Variants in ADGRV1 observed in about 807,000 individuals in gnomAD.
The protein encoded by ADGRV1 is G-protein coupled receptor 98.
A neutral mutation model predicts 596.2 loss-of-function variants in ADGRV1; 359 were observed. The observed-to-expected ratio is 0.60, with a 90% CI of 0.55 to 0.66. ADGRV1 has a LOEUF of 0.66. Ranked by LOEUF, ADGRV1 falls within the 30% of genes least tolerant of loss-of-function variation. ADGRV1 has a pLI of 0.00. For synonymous variants in ADGRV1, 2,681 were observed against 2,679.2 expected (o/e 1.00, Z -0.02); for missense variants, 7,274 against 7,575.6 (o/e 0.96, Z 1.48).
At chr5:91,065,640 A>G (rs1478026475) in intron 85 of ADGRV1, among the ~76,000 whole-genome samples, 2 of 152,222 alleles carry the variant, frequency 1.3e-5, no homozygotes, top group Non-Finnish European at 2.9e-5. Flanking sequence ...AGGAATAAAG[A>G]AGTTGAAATA....
intron 14 of ADGRV1, among the ~76,000 whole-genome samples, chr5:90,644,318 A>G (rs1016487826): frequency 1.3e-5 from 2 of 152,198 alleles, no homozygotes; most frequent in African/African-American, 4.8e-5. Context: ...GAAATGATAA[A>G]TAGTTTATTT....
intron 83 of ADGRV1, among the ~76,000 whole-genome samples, chr5:90,942,613 G>T (rs1305254725): frequency 1.3e-5 from 2 of 152,112 alleles, no homozygotes; most frequent in African/African-American, 4.8e-5. Flanking sequence ...CTTCAGCGAG[G>T]CTCTAGGGAC....
At chr5:90,752,431 C>G (rs150075082) in intron 53 of ADGRV1, among the ~76,000 whole-genome samples, 420 of 152,222 alleles carry the variant, frequency 2.8e-3, no homozygotes, top group African/African-American at 9.1e-3. Context: ...AGTTATTTTT[C>G]CTGATCCTCT....
At chr5:90,955,336 A>G (rs1777382267) in intron 83 of ADGRV1, among the ~76,000 whole-genome samples, 1 of 152,078 alleles carries the variant, frequency 6.6e-6, no homozygotes, top group Non-Finnish European at 1.5e-5. Flanking sequence ...AAAATAATGC[A>G]TTTCCCAATT....
chr5:90,826,722 C>A (rs181192037), intron 76 of ADGRV1, among the ~76,000 whole-genome samples: 1 of 152,282 alleles, frequency 6.6e-6, no homozygotes, highest in Non-Finnish European at 1.5e-5. Context: ...ATATTGCAGA[C>A]ACAACAAATG....
chr5:90,664,509 T>G (rs1309851402), intron 21 of ADGRV1, among the ~76,000 whole-genome samples: 1 of 146,092 alleles, frequency 6.8e-6, no homozygotes, highest in Non-Finnish European at 1.5e-5. Flanking sequence ...TAAGGAGATT[T>G]TGGGCTGAGA....
intron 83 of ADGRV1, among the ~76,000 whole-genome samples, chr5:90,872,848 C>T (rs1177908226): frequency 6.6e-6 from 1 of 152,182 alleles, no homozygotes; most frequent in East Asian, 1.9e-4. Flanking sequence ...GCATGGTCTT[C>T]TTGCAGACAG....
intron 24 of ADGRV1, among the ~76,000 whole-genome samples, chr5:90,675,863 T>A (rs1435419663): frequency 2.0e-5 from 3 of 151,972 alleles, no homozygotes; most frequent in Non-Finnish European, 4.4e-5. Context: ...ATCTACTTTA[T>A]CTAATTAATT....
At chr5:90,861,283 A>T (rs568578762) in intron 82 of ADGRV1, among the ~76,000 whole-genome samples, 2 of 151,940 alleles carry the variant, frequency 1.3e-5, no homozygotes, top group East Asian at 1.9e-4. Context: ...TTTATTTTTT[A>T]AAATTTTTAT....
At chr5:90,622,026 T>C (rs537768524) in intron 4 of ADGRV1, among the ~76,000 whole-genome samples, 59 of 152,312 alleles carry the variant, frequency 3.9e-4, no homozygotes, top group African/African-American at 1.2e-3. Flanking sequence ...GTAGCCTGTA[T>C]GTACTTGGCT....
At chr5:90,930,316 C>T (rs141438365) in intron 83 of ADGRV1, among the ~76,000 whole-genome samples, 22 of 152,144 alleles carry the variant, frequency 1.4e-4, no homozygotes, top group Middle Eastern at 6.8e-3. Context: ...TGAGTCCTTC[C>T]GGCAAACTCC....
chr5:90,694,509 A>G lies in ADGRV1; in HGVS notation c.7753A>G (p.Ile2585Val), dbSNP rs757369145. 3.1e-6 allele frequency: 5 copies of G among 1,613,824 alleles called. No homozygotes were observed. In the African/African-American group the frequency reaches 4.0e-5, roughly 13 times the overall value. ...CTTTGGAGTGTTTGTGATCTACAAT[A>G]TTAGTCCCAATACTTCCGAAGATGG... ...DAFGVFVIYN[I>V]SPNTSEDGLF... is the part of the protein sequence containing the mutation. The change falls in exon 33 of 90, where the codon ATT becomes GTT. Residue 2585 changes from isoleucine to valine, a missense_variant. Ile to Val is a conservative substitution (Grantham distance 29, BLOSUM62 3). This residue lies in a region of ADGRV1 where 3,643 missense variants were observed against 3,809.2 expected (regional missense o/e 0.96). Transcript: ENST00000405460.
intron 23 of ADGRV1, among the ~76,000 whole-genome samples, chr5:90,674,829 T>G (rs1772992855): frequency 6.6e-6 from 1 of 152,174 alleles, no homozygotes; most frequent in African/African-American, 2.4e-5. Flanking sequence ...TTTGTTTGTT[T>G]GTTGATTTGT....
intron 85 of ADGRV1, among the ~76,000 whole-genome samples, chr5:90,998,825 T>C (rs1453768567): frequency 6.6e-6 from 1 of 152,160 alleles, no homozygotes; most frequent in Non-Finnish European, 1.5e-5. Context: ...CCAGTGTGAT[T>C]TGCACACACC....
rs10041135 is a variant in ADGRV1 at position 91,021,046 on chromosome 5, T to G, written c.18152+35524T>G. Among the ~76,000 whole-genome samples, 118 of 152,114 alleles carry G rather than the reference T, an allele frequency of 7.8e-4. 1 individual carries two copies. The highest frequency in any genetic ancestry group is 2.6e-3 in the African/African-American group (109 of 41,440). Reference sequence around the variant, plus strand: ...TTCTCTTAAGGCCTTTTTATATGTTTTCAAATTTCAGTAGGAATTTAAAGC... The same window carrying G: ...TTCTCTTAAGGCCTTTTTATATGTTGTCAAATTTCAGTAGGAATTTAAAGC... On this transcript the variant is annotated intron_variant, in intron 85 of 89. Coordinates refer to ENST00000405460, the MANE Select transcript of ADGRV1 (RefSeq NM_032119.4).
intron 86 of ADGRV1, among the ~76,000 whole-genome samples, chr5:91,098,169 T>C (rs1334662836): frequency 6.6e-6 from 1 of 152,222 alleles, no homozygotes; most frequent in Non-Finnish European, 1.5e-5. Context: ...AAATGCGAAA[T>C]AACAGCTTAG....
At chr5:91,052,889 A>C (rs1466607382) in intron 85 of ADGRV1, among the ~76,000 whole-genome samples, 1 of 152,164 alleles carries the variant, frequency 6.6e-6, no homozygotes, top group East Asian at 1.9e-4. Context: ...CTCCCCCCAG[A>C]AACATGCTTC....
intron 22 of ADGRV1, among the ~76,000 whole-genome samples, chr5:90,673,250 C>T (rs771369466): frequency 3.6e-4 from 55 of 152,238 alleles, no homozygotes; most frequent in South Asian, 1.2e-3. Flanking sequence ...CTTAGGCAGA[C>T]GCTAGCCACA....
intron 1 of ADGRV1, among the ~76,000 whole-genome samples, chr5:90,581,217 A>G (rs1465300218): frequency 6.6e-6 from 1 of 152,098 alleles, no homozygotes. Flanking sequence ...TTTAGCTCGG[A>G]GAAGTTTGTT....
Sources: allele counts gnomAD v4.1 joint callset (sites outside exome capture counted in the v4.1 genomes callset), GRCh38; gene constraint gnomAD v4.1.1; regional missense constraint gnomAD v4.1.1; transcripts MANE v1.5; gene names NCBI Gene and HGNC (gene_info 2026-07-23, HGNC 2026-07-21).